Variants in FOXN3 observed in about 807,000 individuals in gnomAD.
The protein encoded by FOXN3 is forkhead box protein N3.
In FOXN3, 7 loss-of-function variants were observed where a neutral mutation model predicts 38.4. That is an observed-to-expected ratio of 0.18 (90% CI 0.10 to 0.34). The LOEUF (loss-of-function observed/expected upper bound fraction) is 0.34, where lower values mean the gene tolerates loss of function less well. Ranked by LOEUF, FOXN3 falls within the 10% of genes least tolerant of loss-of-function variation. FOXN3 has a pLI of 1.00. For synonymous variants in FOXN3, 230 were observed against 242.2 expected (o/e 0.95, Z 0.47); for missense variants, 456 against 613.4 (o/e 0.74, Z 2.71).
At chr14:89,430,837 A>T (rs1167803487) in intron 1 of FOXN3, among the ~76,000 whole-genome samples, 1 of 152,232 alleles carries the variant, frequency 6.6e-6, no homozygotes, top group Admixed American at 6.5e-5. Flanking sequence ...GTAAAAGCAG[A>T]AAAGTTTAAA....
At chr14:89,530,695 C>T (rs538953555) in intron 1 of FOXN3, among the ~76,000 whole-genome samples, 17 of 151,652 alleles carry the variant, frequency 1.1e-4, no homozygotes, top group Admixed American at 2.0e-4. Flanking sequence ...CTGCAACCTC[C>T]GTCTCTTGGG....
chr14:89,430,424 C>G (rs1892130641), intron 1 of FOXN3, among the ~76,000 whole-genome samples: 1 of 152,182 alleles, frequency 6.6e-6, no homozygotes. Context: ...CAGATAAACA[C>G]AGCAGCAGGT....
At chr14:89,191,738 G>A (rs1463140072) in intron 4 of FOXN3, among the ~76,000 whole-genome samples, 4 of 143,930 alleles carry the variant, frequency 2.8e-5, no homozygotes, top group Admixed American at 7.0e-5. Context: ...GCTGGTTCCC[G>A]AAAACAGGGT....
chr14:89,371,089 AT>A (rs1338995399), intron 2 of FOXN3, among the ~76,000 whole-genome samples: 1 of 151,896 alleles, frequency 6.6e-6, no homozygotes, highest in African/African-American at 2.4e-5. Flanking sequence ...TTTTGATTTT[AT>A]TTTTTTTAAG....
At chr14:89,356,740 C>A (rs148408418) in intron 2 of FOXN3, among the ~76,000 whole-genome samples, 6 of 152,200 alleles carry the variant, frequency 3.9e-5, no homozygotes, top group Middle Eastern at 3.4e-3. Context: ...ACATGCCAGG[C>A]ACCATGAAGG....
intron 1 of FOXN3, among the ~76,000 whole-genome samples, chr14:89,605,399 T>A (rs1596330766): frequency 6.6e-6 from 1 of 151,568 alleles, no homozygotes; most frequent in African/African-American, 2.4e-5. Context: ...ATGAATCATA[T>A]AGAGAATAAA....
intron 1 of FOXN3, among the ~76,000 whole-genome samples, chr14:89,533,208 C>G (rs1397898276): frequency 6.6e-6 from 1 of 152,154 alleles, no homozygotes; most frequent in Admixed American, 6.5e-5. Flanking sequence ...GGAGGAAAGC[C>G]ACACATGAGG....
chr14:89,349,279 T>G (rs1040474704), intron 3 of FOXN3, among the ~76,000 whole-genome samples: 2 of 152,238 alleles, frequency 1.3e-5, no homozygotes, highest in Non-Finnish European at 2.9e-5. Flanking sequence ...CTATGTTGGC[T>G]GGGCTGCTTT....
intron 3 of FOXN3, among the ~76,000 whole-genome samples, chr14:89,288,248 T>G (rs1419263929): frequency 6.6e-6 from 1 of 152,066 alleles, no homozygotes; most frequent in African/African-American, 2.4e-5. Flanking sequence ...ACCAACACTA[T>G]AACTGAGTGT....
At chr14:89,555,565 T>C (rs896388799) in intron 1 of FOXN3, among the ~76,000 whole-genome samples, 5 of 152,190 alleles carry the variant, frequency 3.3e-5, no homozygotes, top group African/African-American at 1.2e-4. Flanking sequence ...GTTCATATCT[T>C]AGGTGATTTT....
chr14:89,561,489 G>A (rs1895247709), intron 1 of FOXN3, among the ~76,000 whole-genome samples: 1 of 152,242 alleles, frequency 6.6e-6, no homozygotes, highest in African/African-American at 2.4e-5. Context: ...TGGGATTACA[G>A]GCGTGAGCCA....
intron 1 of FOXN3, among the ~76,000 whole-genome samples, chr14:89,460,721 T>C (rs959544003): frequency 3.9e-5 from 6 of 152,164 alleles, no homozygotes; most frequent in African/African-American, 1.2e-4. Flanking sequence ...CAAAGAGGCA[T>C]GTCTTTGGTA....
rs903524117 is a variant in FOXN3 at position 89,160,424 on chromosome 14, G to C, written c.*1990C>G. On this transcript the variant is annotated 3_prime_UTR_variant, in exon 6 of 6. Coordinates refer to ENST00000557258, the MANE Select transcript of FOXN3 (RefSeq NM_005197.4). ...TTGTGGCGATAGGATGTCTGGGGCT[G>C]GCCTTTCCTACCTCGGCATCGCTTC... The C allele has an allele frequency of 3.9e-5, 6 of 152,306 alleles. No homozygotes were observed. The highest frequency in any genetic ancestry group is 1.5e-4 in the African/African-American group (6 of 41,306). 9.4% of individuals were successfully genotyped at this position (152,306 alleles called of 1,614,324 possible).
chr14:89,542,294 C>A (rs573754356), intron 1 of FOXN3, among the ~76,000 whole-genome samples: 78 of 152,238 alleles, frequency 5.1e-4, no homozygotes, highest in African/African-American at 1.9e-3. Context: ...GTCAGGATAC[C>A]TGGACACTCC....
intron 4 of FOXN3, among the ~76,000 whole-genome samples, chr14:89,247,163 A>G (rs1243758774): frequency 1.3e-5 from 2 of 152,176 alleles, no homozygotes; most frequent in Non-Finnish European, 2.9e-5. Flanking sequence ...ATAATTTTTC[A>G]AAATTCTCCT....
chr14:89,325,247 C>T (rs942879199), intron 3 of FOXN3, among the ~76,000 whole-genome samples: 6 of 137,700 alleles, frequency 4.4e-5, no homozygotes, highest in South Asian at 2.1e-4. Context: ...ACCACCACCA[C>T]GACCACCACC....
chr14:89,398,187 T>C (rs1891148655), intron 2 of FOXN3, among the ~76,000 whole-genome samples: 1 of 152,246 alleles, frequency 6.6e-6, no homozygotes, highest in East Asian at 1.9e-4. Flanking sequence ...TCTCTTTTTA[T>C]TTTGTTGAGT....
At chr14:89,221,671 ATCTC>A (rs1884467611) in intron 4 of FOXN3, among the ~76,000 whole-genome samples, 1 of 152,188 alleles carries the variant, frequency 6.6e-6, no homozygotes, top group African/African-American at 2.4e-5. Flanking sequence ...ATGCAGCAAG[ATCTC>A]TCTCAGTGAC....
intron 1 of FOXN3, among the ~76,000 whole-genome samples, chr14:89,505,392 A>G (rs955915701): frequency 2.7e-5 from 4 of 148,728 alleles, no homozygotes; most frequent in Non-Finnish European, 4.4e-5. Context: ...CTCCTGCCTC[A>G]GCCTGCCGAG....
Sources: gnomAD v4.1 joint callset for allele counts (sites outside exome capture counted in the v4.1 genomes callset) on GRCh38, gnomAD v4.1.1 for gene constraint, MANE v1.5 for transcripts, NCBI Gene and HGNC (gene_info 2026-07-23, HGNC 2026-07-21) for gene names.